DNAH5: variants seen among roughly 807,000 people sequenced by gnomAD.
The protein encoded by DNAH5 is dynein axonemal heavy chain 5, also known as axonemal beta dynein heavy chain 5.
In DNAH5, 372 loss-of-function variants were observed where a neutral mutation model predicts 518.2. The ratio of observed to expected loss-of-function variants is 0.72; its 90% CI spans 0.66 to 0.78. The LOEUF (loss-of-function observed/expected upper bound fraction) is 0.78. Ranked by LOEUF, DNAH5 falls within the 30% of genes least tolerant of loss-of-function variation. The pLI is 0.00. For synonymous variants in DNAH5, 2,039 were observed against 2,025.9 expected (o/e 1.01, Z -0.17); for missense variants, 5,523 against 5,687.0 (o/e 0.97, Z 0.93).
chr5:13,921,968 C>G, intron 5 of DNAH5, 139 bp downstream of exon 5: 1 of 805,140 alleles, frequency 1.2e-6, no homozygotes, highest in Non-Finnish European at 2.1e-6. Context: ...CTTGAAGGAG[C>G]AATAAAATTG....
At chr5:13,999,568 C>A (rs1784204231) in intron 1 of DNAH5, among the ~76,000 whole-genome samples, 1 of 152,200 alleles carries the variant, frequency 6.6e-6, no homozygotes, top group Non-Finnish European at 1.5e-5. Context: ...GTATACAGCA[C>A]ACTTCCTTTA....
intron 5 of DNAH5, among the ~76,000 whole-genome samples, chr5:13,921,436 G>C (rs188184199): frequency 4.9e-4 from 61 of 125,200 alleles, no homozygotes; most frequent in South Asian, 8.5e-4. Context: ...CTCTCTCTCT[G>C]TCTCTCTCTC....
At chr5:13,708,773 T>C (rs73747829) in intron 75 of DNAH5, among the ~76,000 whole-genome samples, 4,804 of 152,248 alleles carry the variant, frequency 0.032, 238 homozygotes, top group African/African-American at 0.11. Flanking sequence ...TTTCTGTTTT[T>C]TCCATCAAAG....
intron 47 of DNAH5, 124 bp downstream of exon 47, chr5:13,807,467 G>A (rs1420866581): frequency 8.1e-6 from 7 of 861,190 alleles, no homozygotes; most frequent in East Asian, 5.3e-5. Flanking sequence ...GAAGACGTAC[G>A]TGGGTGATTT....
At chr5:13,898,816 C>T (rs1774223332) in intron 15 of DNAH5, 1 of 390,810 alleles carries the variant, frequency 2.6e-6, no homozygotes, top group Non-Finnish European at 4.5e-6. Flanking sequence ...TGTCAGATTC[C>T]ATGGCCGCAT....
At position 13,922,109 on chromosome 5, in the gene DNAH5, T is replaced by G; in HGVS notation, c.658A>C (p.Lys220Gln). The change falls in exon 5 of 79, where the codon AAG becomes CAG. Residue 220 changes from lysine (K) to glutamine (Q), a missense_variant and splice_region_variant. Coordinates refer to ENST00000265104, the MANE Select transcript of DNAH5 (RefSeq NM_001369.3). ...AGGAACAGCTTATTCGTCCTCACCTTCTCCTTCAGACTCTCCTGTGCACCC... is the reference window on the plus strand; with the variant it reads ...AGGAACAGCTTATTCGTCCTCACCTGCTCCTTCAGACTCTCCTGTGCACCC... ...LSGAQESLKE[K>Q]VNLRKCDILE... The G allele has an allele frequency of 1.2e-6, 2 of 1,613,902 alleles. No individual in the cohort carries two copies. The highest frequency in any genetic ancestry group is 1.7e-6 in the Non-Finnish European group (2 of 1,179,956).
intron 61 of DNAH5, among the ~76,000 whole-genome samples, chr5:13,756,837 C>T (rs1257841925): frequency 6.6e-6 from 1 of 152,062 alleles, no homozygotes; most frequent in Non-Finnish European, 1.5e-5. Context: ...GTTATTTTTC[C>T]TGATCCTCTC....
chr5:13,968,686 C>G (rs746060821), intron 1 of DNAH5, among the ~76,000 whole-genome samples: 2 of 152,112 alleles, frequency 1.3e-5, no homozygotes, highest in African/African-American at 2.4e-5. Context: ...GGTGAATTAT[C>G]TTTTTGATAT....
Position 13,820,396 on chromosome 5 carries a change from C to T in DNAH5, c.6791G>A (p.Ser2264Asn), listed in dbSNP as rs78484669. The T allele has an allele frequency of 1.9e-5, 30 of 1,611,948 alleles. No homozygotes were observed. Among genetic ancestry groups the T allele is most frequent in the Non-Finnish European group, 2.5e-5 (29 of 1,179,460 alleles). Reference protein sequence around the residue: ...VRHGMMTLGPSGAGKTTCIHT... With the variant: ...VRHGMMTLGPNGAGKTTCIHT... ...GATGCAGGTGGTCTTCCCAGCCCCA[C>T]TGGGCCCCAGAGTCATCATCCCATG... is the stretch of plus-strand genomic sequence containing the variant. Residue 2264 changes from serine to asparagine, a missense_variant, in exon 41 of 79, where the codon AGT becomes AAT. Physicochemically the swap from Ser to Asn is conservative, Grantham distance 46. Coordinates refer to ENST00000265104, the MANE Select transcript of DNAH5 (RefSeq NM_001369.3).
At position 13,931,340 on chromosome 5, in the gene DNAH5, T is replaced by G. The variant is rs186298170; in HGVS notation, c.58-96A>C. 4 of 1,489,294 alleles carry G rather than the reference T, an allele frequency of 2.7e-6. No individual in the cohort carries two copies. In the East Asian group the frequency reaches 6.8e-5, roughly 25 times the overall value. 92.3% of individuals were successfully genotyped at this position (1,489,294 alleles called of 1,614,324 possible). On this transcript the variant is annotated intron_variant, in intron 1 of 78. Transcript: ENST00000265104. The stretch of plus-strand genomic sequence containing the variant: ...ATACAATTGTTGTTTTTTCAAGTCT[T>G]AGGTATCCAGATAATAGACAGCTTA...
Position 13,810,133 on chromosome 5 carries a change from G to C in DNAH5, c.7535C>G (p.Pro2512Arg), listed in dbSNP as rs763885079. ...RRLELWLRSR[P>R]TGTLELPPPA... ...CGGCGGCAGCTCCAGCGTCCCTGTG[G>C]GCCGAGAGCGCAGCCAGAGCTCCAG... is the stretch of plus-strand genomic sequence containing the variant. Residue 2512 changes from proline to arginine, a missense_variant, in exon 45 of 79, where the codon CCC becomes CGC. By Grantham distance (103) the Pro-to-Arg change is moderately radical. Around this residue, in one of 3 missense-constraint regions of DNAH5, gnomAD observed 5,121 missense variants for 5,223.3 expected, o/e 0.98. Transcript: ENST00000265104. 3 of 1,549,472 alleles carry C rather than the reference G, an allele frequency of 1.9e-6. No homozygotes were observed. The South Asian group carries it at 3.6e-5, about 18-fold the overall frequency.
rs993532591 is a variant in DNAH5 at position 13,941,976 on chromosome 5, G to A, written c.57+2406C>T. On this transcript the variant is annotated intron_variant, in intron 1 of 78. Transcript: ENST00000265104. ...GTTATAGACTTCAGTTTCATTTTGGGGAAGTAAAGAAAAACAGAATTCAAG... is the reference window on the plus strand; with the variant it reads ...GTTATAGACTTCAGTTTCATTTTGGAGAAGTAAAGAAAAACAGAATTCAAG... Among the ~76,000 whole-genome samples the A allele has an allele frequency of 2.0e-5, 3 of 152,068 alleles. No homozygotes were observed. The South Asian group carries it at 6.2e-4, about 32-fold the overall frequency.
At chr5:13,802,371 G>A (rs1348326590) in intron 47 of DNAH5, among the ~76,000 whole-genome samples, 1 of 152,138 alleles carries the variant, frequency 6.6e-6, no homozygotes, top group African/African-American at 2.4e-5. Context: ...TAAACCTAGG[G>A]ACAATTCAAT....
At chr5:13,963,515 G>A (rs1052551540) in intron 1 of DNAH5, among the ~76,000 whole-genome samples, 2 of 151,932 alleles carry the variant, frequency 1.3e-5, no homozygotes, top group African/African-American at 4.8e-5. Flanking sequence ...GGAGGCAGAG[G>A]TTGCAGTGAG....
Position 13,919,276 on chromosome 5 carries a change from T to C in DNAH5, c.875A>G (p.Lys292Arg). Reference protein sequence around the residue: ...GPRAELEHWKKRLSKFNYLLE... With the variant: ...GPRAELEHWKRRLSKFNYLLE... Reference sequence around the variant, plus strand: ...AAGGTAGTTAAACTTGGAGAGTCTTTTTTTCCAGTGCTCCAGCTCCGCTCG... The same window carrying C: ...AAGGTAGTTAAACTTGGAGAGTCTTCTTTTCCAGTGCTCCAGCTCCGCTCG... Residue 292 changes from lysine to arginine, a missense_variant, in exon 7 of 79, where the codon AAA (lysine) becomes AGA (arginine). Physicochemically the swap from Lys to Arg is conservative, Grantham distance 26. Coordinates refer to ENST00000265104, the MANE Select transcript of DNAH5 (RefSeq NM_001369.3). 1 of 1,614,178 alleles carries C rather than the reference T, an allele frequency of 6.2e-7. No homozygotes were observed. The highest frequency in any genetic ancestry group is 1.3e-5 in the African/African-American group (1 of 75,044).
chr5:13,999,563 C>T (rs1009532877), intron 1 of DNAH5, among the ~76,000 whole-genome samples: 7 of 152,198 alleles, frequency 4.6e-5, no homozygotes, highest in Admixed American at 1.3e-4. Flanking sequence ...TGTATGTATA[C>T]AGCACACTTC....
chr5:13,868,869 G>T (rs550117521), intron 24 of DNAH5, among the ~76,000 whole-genome samples: 11 of 152,198 alleles, frequency 7.2e-5, no homozygotes, highest in Non-Finnish European at 1.6e-4. Context: ...GTGTGTGTGT[G>T]TGTCTGGGGG....
intron 1 of DNAH5, among the ~76,000 whole-genome samples, chr5:13,939,506 C>T (rs924863934): frequency 6.6e-6 from 1 of 152,146 alleles, no homozygotes; most frequent in African/African-American, 2.4e-5. Context: ...GAGCCCTCTA[C>T]AATCAACCCT....
intron 5 of DNAH5, among the ~76,000 whole-genome samples, chr5:13,921,019 G>A (rs1041017582): frequency 6.6e-6 from 1 of 152,070 alleles, no homozygotes; most frequent in Non-Finnish European, 1.5e-5. Context: ...CTTTATTCAT[G>A]TATACATATG....
Sources: allele counts gnomAD v4.1 joint callset (sites outside exome capture counted in the v4.1 genomes callset), GRCh38; gene constraint gnomAD v4.1.1; regional missense constraint gnomAD v4.1.1; transcripts MANE v1.5; gene names NCBI Gene and HGNC (gene_info 2026-07-23, HGNC 2026-07-21).